ETV1: variants seen among roughly 807,000 people sequenced by gnomAD.
ETV1 encodes the protein ETS translocation variant 1.
ETV1 carries 27 observed loss-of-function variants against 62.3 expected under a neutral mutation model. The observed-to-expected ratio is 0.43, with a 90% CI of 0.32 to 0.60. The LOEUF is 0.60. Ranked by LOEUF, ETV1 falls within the 20% of genes least tolerant of loss-of-function variation. The pLI is 0.06. For synonymous variants in ETV1, 222 were observed against 199.6 expected, an observed-to-expected ratio of 1.11 and a Z score of -0.94; for missense variants, 605 against 605.8, an observed-to-expected ratio of 1.00 and a Z score of 0.01.
At chr7:13,910,274 A>G (rs1262503448) in intron 10 of ETV1, among the ~76,000 whole-genome samples, 1 of 150,756 alleles carries the variant, frequency 6.6e-6, no homozygotes, top group African/African-American at 2.4e-5. Context: ...ACAGAAAAAA[A>G]TGCAAAATAA....
intron 9 of ETV1, among the ~76,000 whole-genome samples, chr7:13,923,618 G>A (rs1440996339): frequency 1.3e-5 from 2 of 152,140 alleles, no homozygotes; most frequent in Admixed American, 6.6e-5. Flanking sequence ...GCTAAGGACA[G>A]ATAACCGTTC....
intron 13 of ETV1, 99 bp from the exon 14 acceptor site, chr7:13,896,186 G>A: frequency 1.1e-6 from 1 of 889,564 alleles, no homozygotes; most frequent in South Asian, 1.7e-5. Context: ...ATACAGGAAA[G>A]GATGGGTAAC....
chr7:13,977,305 TTAAAAAGG>T, intron 6 of ETV1, 114 bp downstream of exon 6: 1 of 608,940 alleles, frequency 1.6e-6, no homozygotes, highest in South Asian at 2.4e-5. Context: ...TGGCTGTAAG[TTAAAAAGG>T]TGCTGGTACA....
intron 8 of ETV1, among the ~76,000 whole-genome samples, 152 bp downstream of exon 8, chr7:13,935,556 G>T (rs757348213): frequency 3.9e-5 from 6 of 152,180 alleles, no homozygotes; most frequent in Non-Finnish European, 7.3e-5. Context: ...TATAAGTATA[G>T]ATAGAGTGAG....
At chr7:13,931,872 T>TAA in intron 8 of ETV1, 123 bp from the exon 9 acceptor site, 5 of 1,143,854 alleles carry the variant, frequency 4.4e-6, no homozygotes, top group Non-Finnish European at 6.2e-6. Context: ...GCGTAAATCT[T>TAA]TAACAAGCAT....
Position 13,898,946 on chromosome 7 carries a change from T to C in ETV1, c.1212+1792A>G, listed in dbSNP as rs1782119338. Among the ~76,000 whole-genome samples, 6 of 152,134 alleles carry C rather than the reference T, an allele frequency of 3.9e-5. No homozygotes were observed. The South Asian group carries it at 1.2e-3, about 32-fold the overall frequency. On this transcript the variant is annotated intron_variant, in intron 13 of 13. Coordinates refer to ENST00000430479, the MANE Select transcript of ETV1 (RefSeq NM_004956.5). ...CCCAGGAGTTCAGATATACTTTACA[T>C]TGTGCCAGTTACAATGTAAAGTATC...
chr7:13,900,332 C>G (rs1782279942), intron 13 of ETV1: 1 of 157,808 alleles, frequency 6.3e-6, no homozygotes, highest in South Asian at 2.0e-4. Flanking sequence ...AAAGAAATGT[C>G]TGTTTTAAGA....
chr7:13,925,994 T>A (rs112508783), intron 9 of ETV1, among the ~76,000 whole-genome samples: 392 of 152,274 alleles, frequency 2.6e-3, no homozygotes, highest in African/African-American at 9.0e-3. Context: ...AGCCAAGGTA[T>A]TTCTGTACTG....
intron 9 of ETV1, among the ~76,000 whole-genome samples, chr7:13,918,660 T>A (rs1784470396): frequency 7.0e-6 from 1 of 143,266 alleles, no homozygotes; most frequent in South Asian, 2.2e-4. Context: ...CACTCATAGG[T>A]GGGAACTGAA....
At chr7:13,984,913 CAAGT>C (rs66641803) in intron 5 of ETV1, among the ~76,000 whole-genome samples, 84,765 of 149,260 alleles carry the variant, frequency 0.57, 24,318 homozygotes, top group African/African-American at 0.63. Flanking sequence ...AGACACAAAA[CAAGT>C]AAGTCAAAAG....
intron 9 of ETV1, among the ~76,000 whole-genome samples, chr7:13,925,776 T>C (rs994638367): frequency 2.6e-5 from 4 of 151,866 alleles, no homozygotes; most frequent in African/African-American, 9.7e-5. Flanking sequence ...CACCGTGGTC[T>C]TGATCTCCTG....
intron 9 of ETV1, among the ~76,000 whole-genome samples, chr7:13,923,281 A>C (rs1655433138): frequency 6.6e-6 from 1 of 152,224 alleles, no homozygotes; most frequent in African/African-American, 2.4e-5. Context: ...GGGGAAGCCC[A>C]AGCAATGCTT....
intron 12 of ETV1, among the ~76,000 whole-genome samples, chr7:13,904,673 G>C (rs1313566692): frequency 2.0e-5 from 3 of 151,980 alleles, no homozygotes; most frequent in Non-Finnish European, 4.4e-5. Flanking sequence ...GGAAATAACT[G>C]TTTAACTGAT....
At position 13,977,445 on chromosome 7, in the gene ETV1, C is replaced by T; in HGVS notation, c.217G>A (p.Asp73Asn). The change falls in exon 6 of 14, where the codon GAC becomes AAC. Residue 73 changes from aspartate (D) to asparagine (N), a missense_variant. Transcript: ENST00000430479. ...VPDNDEQFVP[D>N]YQAESLAFHG... is the part of the protein sequence containing the mutation. The stretch of plus-strand genomic sequence containing the variant: ...TACTTACAACTTTCAGCCTGATAGT[C>T]TGGTACAAACTGCTCATCATTGTCA... The T allele has an allele frequency of 6.5e-7, 1 of 1,545,892 alleles. No individual in the cohort carries two copies. The highest frequency in any genetic ancestry group is 8.8e-7 in the Non-Finnish European group (1 of 1,142,804).
At chr7:13,984,578 G>C (rs1037692222) in intron 5 of ETV1, among the ~76,000 whole-genome samples, 3 of 151,954 alleles carry the variant, frequency 2.0e-5, no homozygotes, top group East Asian at 1.9e-4. Flanking sequence ...ATCGTGATTA[G>C]ATAAATTAAC....
Position 13,935,814 on chromosome 7 carries a change from G to T in ETV1, c.448C>A (p.His150Asn), listed in dbSNP as rs1234581450. ...PSSTPVSPLH[H>N]ASPNSTHTPK... ...GTATGAGTTGAGTTTGGAGATGCAT[G>T]ATGCAGTGGGGACACTGGCGTGCTG... The change falls in exon 8 of 14, where the codon CAT becomes AAT. Residue 150 changes from histidine to asparagine, a missense_variant. His to Asn is a moderately conservative substitution (Grantham distance 68). This residue lies in a region of ETV1 where 426 missense variants were observed against 377.8 expected (regional missense o/e 1.13). Coordinates refer to ENST00000430479, the MANE Select transcript of ETV1 (RefSeq NM_004956.5). 6.2e-7 allele frequency: 1 copy of T among 1,613,968 alleles called. No homozygotes were observed. The highest frequency in any genetic ancestry group is 8.5e-7 in the Non-Finnish European group (1 of 1,179,856).
At chr7:13,944,747 A>T (rs1339903191) in intron 6 of ETV1, among the ~76,000 whole-genome samples, 1 of 152,128 alleles carries the variant, frequency 6.6e-6, no homozygotes, top group Non-Finnish European at 1.5e-5. Context: ...TGTCCCATCA[A>T]AATTTACATG....
rs564479473 is a variant in ETV1 at position 13,937,875 on chromosome 7, A to T, written c.365+1242T>A. Among the ~76,000 whole-genome samples, 6 of 152,360 alleles carry T rather than the reference A, an allele frequency of 3.9e-5. No individual in the cohort carries two copies. In the South Asian group the frequency reaches 1.0e-3, roughly 26 times the overall value. ...CCTCTTAGAAAAGCAAATATAAAAG[A>T]CAAGTTTGCAAGAACAAATGGTAAT... On this transcript the variant is annotated intron_variant, in intron 7 of 13. Coordinates refer to ENST00000430479, the MANE Select transcript of ETV1 (RefSeq NM_004956.5).
intron 12 of ETV1, among the ~76,000 whole-genome samples, chr7:13,902,883 G>A (rs1482717878): frequency 1.3e-5 from 2 of 152,090 alleles, no homozygotes; most frequent in African/African-American, 4.8e-5. Context: ...AGCATCATGG[G>A]TATTAGTGGA....
Sources: allele counts gnomAD v4.1 joint callset (sites outside exome capture counted in the v4.1 genomes callset), GRCh38; gene constraint gnomAD v4.1.1; regional missense constraint gnomAD v4.1.1; transcripts MANE v1.5; gene names NCBI Gene and HGNC (gene_info 2026-07-23, HGNC 2026-07-21).